The following MPV17L2 variants were observed in gnomAD, a reference collection of about 807,000 sequenced individuals.
The protein encoded by MPV17L2 is mpv17-like protein 2.
A neutral mutation model predicts 24.2 loss-of-function variants in MPV17L2; 25 were observed. The observed-to-expected ratio is 1.03, with a 90% CI of 0.75 to 1.44. The LOEUF (loss-of-function observed/expected upper bound fraction) is 1.44, where lower values mean the gene tolerates loss of function less well. Among genes scored for constraint, MPV17L2 ranks in the 40% most tolerant of loss-of-function variants. The pLI, the probability that MPV17L2 is intolerant of heterozygous loss-of-function variation, is 0.00. For missense variants in MPV17L2, 271 were observed against 276.2 expected (o/e 0.98, Z 0.13); for synonymous variants, 130 against 121.4 (o/e 1.07, Z -0.46).
intron 1 of MPV17L2, 26 bp from the exon 2 acceptor site, chr19:18,193,838 C>G (rs1419725195): frequency 6.2e-7 from 1 of 1,610,030 alleles, no homozygotes. Flanking sequence ...CGGCCCGACC[C>G]AGCCCCCTGA....
intron 4 of MPV17L2, 128 bp downstream of exon 4, chr19:18,195,214 C>A: frequency 7.0e-7 from 1 of 1,421,236 alleles, no homozygotes; most frequent in Non-Finnish European, 9.4e-7. Context: ...AACCCACACC[C>A]AACAGTGGGC....
Position 18,193,460 on chromosome 19 carries a change from G to C in MPV17L2, c.179G>C (p.Arg60Pro), listed in dbSNP as rs552171425. 187 of 1,528,940 alleles carry C rather than the reference G, an allele frequency of 1.2e-4. 3 individuals carry two copies. In the South Asian group the frequency reaches 2.2e-3, roughly 18 times the overall value. The allele number at this position is 1,528,940 out of a possible 1,614,324, so 94.7% of individuals were successfully genotyped here. ...CGGCCCGGCCAGGTTTTCGACCCAC[G>C]GCGCTCCGGTGAGGACGCCACGCTG... is the stretch of plus-strand genomic sequence containing the variant. ...RARPGQVFDP[R>P]RSASMFAVGC... Residue 60 changes from arginine to proline, a missense_variant, in exon 1 of 5, where the codon CGG becomes CCG. Arg to Pro is a moderately radical substitution (Grantham distance 103, BLOSUM62 -2). Transcript: ENST00000599612.
At position 18,196,090 on chromosome 19, in the gene MPV17L2, T is replaced by C. The variant is rs766436714; in HGVS notation, c.*35T>C. On this transcript the variant is annotated 3_prime_UTR_variant, in exon 5 of 5. Coordinates refer to ENST00000599612, the MANE Select transcript of MPV17L2 (RefSeq NM_032683.3). Reference sequence around the variant, plus strand: ...TTCCTGGACCAGATGCAAGACTGTCTCCTGGCGGACCACCCCCTCTGACAG... The same window carrying C: ...TTCCTGGACCAGATGCAAGACTGTCCCCTGGCGGACCACCCCCTCTGACAG... 2 of 1,613,890 alleles carry C rather than the reference T, an allele frequency of 1.2e-6. No individual in the cohort carries two copies. Among genetic ancestry groups the C allele is most frequent in the East Asian group, 2.2e-5 (1 of 44,868 alleles).
rs971663364 is a variant in MPV17L2, at chr19:18,196,112, A to G, written c.*57A>G. The G allele has an allele frequency of 1.2e-6, 2 of 1,612,650 alleles. No individual in the cohort carries two copies. Among genetic ancestry groups the G allele is most frequent in the Admixed American group, 1.7e-5 (1 of 59,942 alleles). Reference sequence around the variant, plus strand: ...GTCTCCTGGCGGACCACCCCCTCTGACAGAAGGGGAATGGGCTCCTGCAGC... The same window carrying G: ...GTCTCCTGGCGGACCACCCCCTCTGGCAGAAGGGGAATGGGCTCCTGCAGC... On this transcript the variant is annotated 3_prime_UTR_variant, in exon 5 of 5. Transcript: ENST00000599612.
rs768522639 is a variant in MPV17L2 at position 18,194,939 on chromosome 19, C to T, written c.436-19C>T. The T allele has an allele frequency of 2.6e-6, 4 of 1,560,530 alleles. No individual in the cohort carries two copies. The highest frequency in any genetic ancestry group is 2.3e-5 in the East Asian group (1 of 43,644). On this transcript the variant is annotated intron_variant, in intron 3 of 4. Transcript: ENST00000599612. Reference sequence around the variant, plus strand: ...GCCCAGCTCTGGCCCCGCCCCTCATCCCCCGCCTCTCCCCGCAGGCAGACT... The same window carrying T: ...GCCCAGCTCTGGCCCCGCCCCTCATTCCCCGCCTCTCCCCGCAGGCAGACT...
At chr19:18,195,303 T>C (rs983220094) in intron 4 of MPV17L2, among the ~76,000 whole-genome samples, 1 of 152,070 alleles carries the variant, frequency 6.6e-6, no homozygotes, top group African/African-American at 2.4e-5. Flanking sequence ...CCCAGCACTT[T>C]GGGAGGCCGA....
chr19:18,196,038 G>C lies in MPV17L2; in HGVS notation c.604G>C (p.Asp202His). 1 of 1,614,010 alleles carries C rather than the reference G, an allele frequency of 6.2e-7. No individual in the cohort carries two copies. The highest frequency in any genetic ancestry group is 8.5e-7 in the Non-Finnish European group (1 of 1,179,922). The change falls in exon 5 of 5, where the codon GAC becomes CAC. Residue 202 changes from aspartate (D) to histidine (H), a missense_variant. By Grantham distance (81) the Asp-to-His change is moderately conservative. Coordinates refer to ENST00000599612, the MANE Select transcript of MPV17L2 (RefSeq NM_032683.3). Reference sequence around the variant, plus strand: ...GACACCCCCAGGCTGTGTGGCCCTGGACACCCGAGCAGACTGAACTGTCTG... The same window carrying C: ...GACACCCCCAGGCTGTGTGGCCCTGCACACCCGAGCAGACTGAACTGTCTG... ...PLTPPGCVALDTRAD is the reference protein window; with the variant it reads ...PLTPPGCVALHTRAD
rs1967518616 is a variant in MPV17L2, at chr19:18,196,278, T to C, written c.*223T>C. On this transcript the variant is annotated 3_prime_UTR_variant, in exon 5 of 5. Coordinates refer to ENST00000599612, the MANE Select transcript of MPV17L2 (RefSeq NM_032683.3). ...AAGATGGATGATCATCCCCTAGCCC[T>C]TCTCAGCAGGAACCTCATGCGACCT... The C allele has an allele frequency of 6.7e-7, 1 of 1,499,130 alleles. No individual in the cohort carries two copies. Among genetic ancestry groups the C allele is most frequent in the South Asian group, 1.2e-5 (1 of 82,874 alleles). 92.9% of individuals were successfully genotyped at this position (1,499,130 alleles called of 1,614,324 possible).
Position 18,193,339 on chromosome 19 carries a change from T to G in MPV17L2, c.58T>G (p.Phe20Val). Reference sequence around the variant, plus strand: ...CCTGTTATCCGCGGGGCAGCTTCTATTCCAGGGCCGCGCGCTGCTCGTCAC... The same window carrying G: ...CCTGTTATCCGCGGGGCAGCTTCTAGTCCAGGGCCGCGCGCTGCTCGTCAC... Reference protein sequence around the residue: ...RRLLSAGQLLFQGRALLVTNT... With the variant: ...RRLLSAGQLLVQGRALLVTNT... The change falls in exon 1 of 5, where the codon TTC becomes GTC. Residue 20 changes from phenylalanine (F) to valine (V), a missense_variant. Phe to Val is a conservative substitution (Grantham distance 50, BLOSUM62 -1). Coordinates refer to ENST00000599612, the MANE Select transcript of MPV17L2 (RefSeq NM_032683.3). 3 of 1,564,352 alleles carry G rather than the reference T, an allele frequency of 1.9e-6. No individual in the cohort carries two copies. The highest frequency in any genetic ancestry group is 2.6e-6 in the Non-Finnish European group (3 of 1,160,806).
rs140699656 is a variant in MPV17L2 at position 18,195,396 on chromosome 19, A to G, written c.564+310A>G. ...CCCTTCTCTACTAAAAATACAAAAA[A>G]TTACTGGTACGCACCTGTAATTCCA... On this transcript the variant is annotated intron_variant, in intron 4 of 4. Coordinates refer to ENST00000599612, the MANE Select transcript of MPV17L2 (RefSeq NM_032683.3). Among the ~76,000 whole-genome samples, 163 of 152,112 alleles carry G rather than the reference A, an allele frequency of 1.1e-3. 2 individuals carry two copies. Among genetic ancestry groups the G allele is most frequent in the Admixed American group, 9.2e-3 (140 of 15,276 alleles).
intron 1 of MPV17L2, 62 bp downstream of exon 1, chr19:18,193,530 G>A: frequency 7.0e-7 from 1 of 1,423,984 alleles, no homozygotes; most frequent in East Asian, 2.7e-5. Context: ...ACACCCGACT[G>A]CGGGCCGTGA....
intron 2 of MPV17L2, 47 bp from the exon 3 acceptor site, chr19:18,194,730 A>C: frequency 6.5e-7 from 1 of 1,530,150 alleles, no homozygotes; most frequent in Non-Finnish European, 8.9e-7. Context: ...TCGTCTCAAC[A>C]GTACTTCCTG....
chr19:18,193,285 G>A lies in MPV17L2; in HGVS notation c.4G>A (p.Ala2Thr). The A allele has an allele frequency of 1.3e-6, 2 of 1,538,554 alleles. No individual in the cohort carries two copies. Among genetic ancestry groups the A allele is most frequent in the East Asian group, 2.5e-5 (1 of 40,370 alleles). Reference sequence around the variant, plus strand: ...GGTTCCTTGGTTCCTGAGGGCGATGGCGCGGGGTGGCTGGCGCCGGCTACG... The same window carrying A: ...GGTTCCTTGGTTCCTGAGGGCGATGACGCGGGGTGGCTGGCGCCGGCTACG... Reference protein sequence around the residue: MARGGWRRLRRL... With the variant: MTRGGWRRLRRL... Residue 2 changes from alanine (A) to threonine (T), a missense_variant, in exon 1 of 5, where the codon GCG becomes ACG. Physicochemically the swap from Ala to Thr is moderately conservative, Grantham distance 58. Transcript: ENST00000599612.
At chr19:18,195,131 G>A (rs1286168137) in intron 4 of MPV17L2, 45 bp downstream of exon 4, 4 of 1,589,476 alleles carry the variant, frequency 2.5e-6, no homozygotes, top group Non-Finnish European at 3.4e-6. Context: ...CTCCCCAGGG[G>A]GCTACACGTG....
chr19:18,195,512 GGT>G, intron 4 of MPV17L2, among the ~76,000 whole-genome samples: 1 of 150,992 alleles, frequency 6.6e-6, no homozygotes, highest in East Asian at 2.0e-4. Flanking sequence ...CTCCAGCCTA[GGT>G]GACAGAGCGA....
rs913782749 is a variant in MPV17L2 at position 18,196,791 on chromosome 19, GAC to G, written c.*742_*743del. 1.4e-4 allele frequency: 45 copies of G among 316,028 alleles called. No homozygotes were observed. The highest frequency in any genetic ancestry group is 2.7e-4 in the Admixed American group (6 of 21,868). The allele number at this position is 316,028 out of a possible 1,614,324, so 19.6% of individuals were successfully genotyped here. A position where few individuals can be genotyped will look rare whatever the true frequency, so the allele number is the denominator to read the frequency against. On this transcript the variant is annotated 3_prime_UTR_variant, in exon 5 of 5. Coordinates refer to ENST00000599612, the MANE Select transcript of MPV17L2 (RefSeq NM_032683.3). The stretch of plus-strand genomic sequence containing the variant: ...GTGGGCAGGACCCGGTGCTCACAGG[GAC>G]ACACATGGATGGTCCATTCGCTTTA...
chr19:18,195,704 GC>G (rs1486419613), intron 4 of MPV17L2, among the ~76,000 whole-genome samples: 2 of 152,108 alleles, frequency 1.3e-5, no homozygotes, highest in Non-Finnish European at 2.9e-5. Flanking sequence ...GGGCGTGGTG[GC>G]GGGCGCCTGT....
rs893036205 is a variant in MPV17L2, at chr19:18,193,218, G to A, written c.-64G>A. 4.3e-5 allele frequency: 60 copies of A among 1,402,988 alleles called. No individual in the cohort carries two copies. The highest frequency in any genetic ancestry group is 5.3e-5 in the Non-Finnish European group (57 of 1,082,666). The allele number at this position is 1,402,988 out of a possible 1,614,324, so 86.9% of individuals were successfully genotyped here. On this transcript the variant is annotated 5_prime_UTR_variant, in exon 1 of 5. Coordinates refer to ENST00000599612, the MANE Select transcript of MPV17L2 (RefSeq NM_032683.3). ...GGGCGGGCAATTTGGGATCGACAGT[G>A]ACTCGCGACTGGTCGGCGCGGCGAA...
rs891388146 is a variant in MPV17L2 at position 18,193,689 on chromosome 19, C to G, written c.188-175C>G. ...TACCCAGGAGCCTCTGGAGCCGCGC[C>G]TCCTGGTGGGGCTTGTAGTGGAAGA... On this transcript the variant is annotated intron_variant, in intron 1 of 4. Coordinates refer to ENST00000599612, the MANE Select transcript of MPV17L2 (RefSeq NM_032683.3). 1.5e-5 allele frequency: 21 copies of G among 1,435,116 alleles called. No individual in the cohort carries two copies. In the African/African-American group the frequency reaches 2.7e-4, roughly 19 times the overall value. 88.9% of individuals were successfully genotyped at this position (1,435,116 alleles called of 1,614,324 possible).
Sources: allele counts gnomAD v4.1 joint callset (sites outside exome capture counted in the v4.1 genomes callset), GRCh38; gene constraint gnomAD v4.1.1; transcripts MANE v1.5; gene names NCBI Gene and HGNC (gene_info 2026-07-23, HGNC 2026-07-21).